The following PRKCH variants were observed in gnomAD, a reference collection of about 807,000 sequenced individuals.
The protein encoded by PRKCH is protein kinase C eta type.
In PRKCH, 28 loss-of-function variants were observed where a neutral mutation model predicts 82.5. That is an observed-to-expected ratio of 0.34 (90% CI 0.25 to 0.47). PRKCH has a LOEUF of 0.47. PRKCH is among the 20% of genes least tolerant of loss of function. PRKCH has a pLI of 1.00. For synonymous variants in PRKCH, 322 were observed against 327.4 expected (o/e 0.98, Z 0.18); for missense variants, 705 against 881.8 (o/e 0.80, Z 2.54).
At chr14:61,211,272 C>G (rs771260071) in intron 1 of PRKCH, among the ~76,000 whole-genome samples, 2 of 152,196 alleles carry the variant, frequency 1.3e-5, no homozygotes, top group Non-Finnish European at 2.9e-5. Context: ...AGAACAGTGA[C>G]AGCGTGCACA....
At chr14:61,437,664 A>G (rs17098367) in intron 2 of PRKCH, among the ~76,000 whole-genome samples, 2,185 of 152,210 alleles carry the variant, frequency 0.014, 56 homozygotes, top group East Asian at 0.14. Context: ...TAAAGGGCAC[A>G]GTGCAGGGTG....
intron 10 of PRKCH, among the ~76,000 whole-genome samples, chr14:61,521,573 ATT>A (rs146939937): frequency 6.8e-6 from 1 of 147,386 alleles, no homozygotes; most frequent in Non-Finnish European, 1.5e-5. Flanking sequence ...TATTTTATTA[ATT>A]TTTTTTTTTT....
intron 10 of PRKCH, among the ~76,000 whole-genome samples, chr14:61,505,539 C>T (rs959489770): frequency 4.0e-5 from 6 of 150,946 alleles, no homozygotes; most frequent in African/African-American, 7.3e-5. Flanking sequence ...CCACGCCTGG[C>T]CAATTTTGTA....
In PRKCH at chr14:61,325,184, G is replaced by A. The variant is rs376984016; in HGVS notation, c.363+2720G>A. ...TAAGAATAGTTTTGAAAAAGAACAA[G>A]TTGGGGGACTTAGAGTATCTGATTT... On this transcript the variant is annotated intron_variant, in intron 1 of 13. Coordinates refer to ENST00000332981, the MANE Select transcript of PRKCH (RefSeq NM_006255.5). 7.2e-5 allele frequency among the ~76,000 whole-genome samples: 11 copies of A among 152,186 alleles called. No homozygotes were observed. In the East Asian group the frequency reaches 2.1e-3, roughly 29 times the overall value.
chr14:61,417,409 A>G (rs1951967), intron 2 of PRKCH, among the ~76,000 whole-genome samples: 31,500 of 152,128 alleles, frequency 0.21, 3,656 homozygotes, highest in Admixed American at 0.35. Flanking sequence ...CACAGCAGAG[A>G]CTGCTCTTCA....
At chr14:61,220,711 A>G (rs1463841875) in intron 1 of PRKCH, among the ~76,000 whole-genome samples, 1 of 152,196 alleles carries the variant, frequency 6.6e-6, no homozygotes, top group East Asian at 1.9e-4. Flanking sequence ...ATTCATAAGG[A>G]AAGAGCAGAT....
At chr14:61,259,222 C>A (rs1012552660) in intron 1 of PRKCH, among the ~76,000 whole-genome samples, 1 of 152,076 alleles carries the variant, frequency 6.6e-6, no homozygotes, top group Non-Finnish European at 1.5e-5. Context: ...AAAAATGAAA[C>A]AATGTGATGG....
At chr14:61,228,616 A>AT (rs11407856) in intron 1 of PRKCH, among the ~76,000 whole-genome samples, 143,310 of 152,020 alleles carry the variant, frequency 0.94, 67,772 homozygotes, top group Non-Finnish European at 0.98. Context: ...GCCTCCCAAG[A>AT]TTTTTTTTCT....
intron 1 of PRKCH, among the ~76,000 whole-genome samples, chr14:61,366,048 A>G (rs1042947377): frequency 1.1e-4 from 16 of 152,006 alleles, no homozygotes; most frequent in Admixed American, 3.3e-4. Flanking sequence ...TTGTGCCTCA[A>G]TTTCCCAATC....
chr14:61,336,366 G>C (rs1198027421), intron 1 of PRKCH, among the ~76,000 whole-genome samples: 1 of 152,194 alleles, frequency 6.6e-6, no homozygotes, highest in Non-Finnish European at 1.5e-5. Context: ...CAGGGATTGG[G>C]GGTAAATTCT....
At chr14:61,401,333 C>T (rs1881604724) in intron 2 of PRKCH, among the ~76,000 whole-genome samples, 1 of 152,210 alleles carries the variant, frequency 6.6e-6, no homozygotes, top group Non-Finnish European at 1.5e-5. Context: ...CCCCAGTCAT[C>T]ATTGGCTTCA....
chr14:61,461,321 T>C (rs1370267393), intron 9 of PRKCH, among the ~76,000 whole-genome samples: 1 of 152,206 alleles, frequency 6.6e-6, no homozygotes, highest in Non-Finnish European at 1.5e-5. Context: ...GTTGGGCTCT[T>C]TTCTTGGAAT....
At chr14:61,429,576 C>G (rs1175081485) in intron 2 of PRKCH, among the ~76,000 whole-genome samples, 1 of 152,108 alleles carries the variant, frequency 6.6e-6, no homozygotes, top group African/African-American at 2.4e-5. Flanking sequence ...GAATGTGTGT[C>G]TTGTGGACTG....
intron 1 of PRKCH, among the ~76,000 whole-genome samples, chr14:61,383,992 G>A (rs1265147450): frequency 6.6e-6 from 1 of 152,158 alleles, no homozygotes; most frequent in Non-Finnish European, 1.5e-5. Flanking sequence ...GACCAGCGGA[G>A]GCTTTAGAGG....
chr14:61,476,067 T>A (rs1885715212), intron 9 of PRKCH, among the ~76,000 whole-genome samples: 1 of 152,260 alleles, frequency 6.6e-6, no homozygotes, highest in Non-Finnish European at 1.5e-5. Context: ...CTGATTGTCC[T>A]ACTTAACTCT....
chr14:61,426,992 G>A (rs776419176), intron 2 of PRKCH, among the ~76,000 whole-genome samples: 1 of 152,212 alleles, frequency 6.6e-6, no homozygotes, highest in Admixed American at 6.5e-5. Context: ...AAATATGAGT[G>A]ACCACAGCCC....
At chr14:61,480,461 C>G (rs1250860535) in intron 9 of PRKCH, among the ~76,000 whole-genome samples, 1 of 152,216 alleles carries the variant, frequency 6.6e-6, no homozygotes, top group African/African-American at 2.4e-5. Flanking sequence ...TTTAGAGCTT[C>G]AAATACAGGT....
chr14:61,456,568 A>G (rs975211293), intron 7 of PRKCH, among the ~76,000 whole-genome samples: 5 of 152,262 alleles, frequency 3.3e-5, no homozygotes, highest in Non-Finnish European at 4.4e-5. Flanking sequence ...AAATTAACCA[A>G]GTATAAAAAC....
At chr14:61,493,722 G>C (rs1026897535) in intron 10 of PRKCH, among the ~76,000 whole-genome samples, 1 of 151,958 alleles carries the variant, frequency 6.6e-6, no homozygotes, top group Non-Finnish European at 1.5e-5. Context: ...ACGTGCGGGT[G>C]GGGGGCATGG....
Sources: gnomAD v4.1 joint callset for allele counts (sites outside exome capture counted in the v4.1 genomes callset) on GRCh38, gnomAD v4.1.1 for gene constraint, MANE v1.5 for transcripts, NCBI Gene and HGNC (gene_info 2026-07-23, HGNC 2026-07-21) for gene names.